SCHIP1: variants seen among roughly 807,000 people sequenced by gnomAD.
SCHIP1 encodes the protein schwannomin interacting protein 1.
SCHIP1 carries 8 observed loss-of-function variants against 29.7 expected under a neutral mutation model. The observed-to-expected ratio is 0.27, with a 90% CI of 0.16 to 0.49. The LOEUF (loss-of-function observed/expected upper bound fraction) is 0.49. SCHIP1 is among the 20% of genes least tolerant of loss of function. The pLI, the probability that SCHIP1 is intolerant of heterozygous loss-of-function variation, is 0.99. For synonymous variants in SCHIP1, 76 were observed against 94.9 expected (o/e 0.80, Z 1.16); for missense variants, 193 against 294.6 (o/e 0.66, Z 2.52).
the SCHIP1 span, among the ~76,000 whole-genome samples, chr3:159,526,721 A>T: frequency 2.0e-5 from 3 of 152,142 alleles, no homozygotes; most frequent in Non-Finnish European, 4.4e-5. Flanking sequence ...TATTCAACTG[A>T]TGCTGGACCA....
chr3:159,696,093 T>C, the SCHIP1 span, among the ~76,000 whole-genome samples: 1 of 152,228 alleles, frequency 6.6e-6, no homozygotes, highest in African/African-American at 2.4e-5. Flanking sequence ...ATCACATTTT[T>C]TTCCAAAGCA....
At chr3:159,345,239 A>AG in the SCHIP1 span, among the ~76,000 whole-genome samples, 1 of 151,896 alleles carries the variant, frequency 6.6e-6, no homozygotes, top group Non-Finnish European at 1.5e-5. Context: ...AAAAAAAAAA[A>AG]AAAGAAAAAT....
the SCHIP1 span, among the ~76,000 whole-genome samples, chr3:159,492,965 G>A: frequency 6.6e-6 from 1 of 152,222 alleles, no homozygotes; most frequent in African/African-American, 2.4e-5. Flanking sequence ...TTAAAGAAAA[G>A]AAGTTTCAAC....
the SCHIP1 span, among the ~76,000 whole-genome samples, chr3:159,520,113 A>C: frequency 8.6e-5 from 13 of 151,562 alleles, 1 homozygote; most frequent in African/African-American, 2.9e-4. Flanking sequence ...AAAAAAAAAA[A>C]AACTCCCAGC....
chr3:159,431,173 C>T, the SCHIP1 span, among the ~76,000 whole-genome samples: 1 of 151,748 alleles, frequency 6.6e-6, no homozygotes, highest in East Asian at 1.9e-4. Context: ...GGTGGAACCA[C>T]AAAGGAGCTA....
the SCHIP1 span, among the ~76,000 whole-genome samples, chr3:159,450,548 G>A: frequency 2.0e-5 from 3 of 152,232 alleles, no homozygotes; most frequent in African/African-American, 7.2e-5. Flanking sequence ...AAGCATAAAC[G>A]TTGAATTTAT....
At chr3:159,465,206 A>T in the SCHIP1 span, among the ~76,000 whole-genome samples, 34,810 of 151,892 alleles carry the variant, frequency 0.23, 4,713 homozygotes, top group African/African-American at 0.37. Context: ...TTTTTTGGCC[A>T]GGTATCAAAC....
At chr3:159,773,849 A>G in the SCHIP1 span, among the ~76,000 whole-genome samples, 1 of 152,234 alleles carries the variant, frequency 6.6e-6, no homozygotes, top group African/African-American at 2.4e-5. Flanking sequence ...ATTTTGTTCT[A>G]TCTAAAGAGT....
the SCHIP1 span, among the ~76,000 whole-genome samples, chr3:159,784,739 T>C: frequency 1.3e-5 from 2 of 152,316 alleles, no homozygotes; most frequent in Admixed American, 1.3e-4. Context: ...CTGCAACCTC[T>C]GCCTCCCAGG....
chr3:159,497,648 A>G, the SCHIP1 span, among the ~76,000 whole-genome samples: 79,183 of 151,148 alleles, frequency 0.52, 21,014 homozygotes, highest in East Asian at 0.68. Flanking sequence ...GCAGAAGCAG[A>G]AAGAAGGCAG....
chr3:159,841,200 A>G (rs1744186422), intron 1 of SCHIP1, among the ~76,000 whole-genome samples: 1 of 152,244 alleles, frequency 6.6e-6, no homozygotes, highest in African/African-American at 2.4e-5. Flanking sequence ...TGTGCAGGCA[A>G]AATAGTACAT....
the SCHIP1 span, among the ~76,000 whole-genome samples, chr3:159,310,909 A>G: frequency 6.6e-6 from 1 of 152,164 alleles, no homozygotes; most frequent in African/African-American, 2.4e-5. Context: ...CGGAATTGAA[A>G]TAGAGATATG....
the SCHIP1 span, among the ~76,000 whole-genome samples, chr3:159,572,215 G>T: frequency 6.6e-6 from 1 of 151,962 alleles, no homozygotes. Context: ...GTGATGTTAT[G>T]GTGTCAATTT....
chr3:159,632,173 G>GTGTC, the SCHIP1 span, among the ~76,000 whole-genome samples: 4 of 152,166 alleles, frequency 2.6e-5, no homozygotes, highest in Admixed American at 2.6e-4. Context: ...ATGTGGCTAT[G>GTGTC]TGTCGTCTTG....
chr3:159,708,038 C>T, the SCHIP1 span, among the ~76,000 whole-genome samples: 5 of 152,258 alleles, frequency 3.3e-5, no homozygotes, highest in East Asian at 7.7e-4. Flanking sequence ...CTGTCTCTCC[C>T]TATATTCCAG....
the SCHIP1 span, among the ~76,000 whole-genome samples, chr3:159,637,956 C>G: frequency 3.9e-5 from 6 of 152,168 alleles, no homozygotes; most frequent in Admixed American, 2.0e-4. Context: ...TACATGTAGT[C>G]CATCTATGTA....
the SCHIP1 span, among the ~76,000 whole-genome samples, chr3:159,566,792 G>A: frequency 6.6e-6 from 1 of 152,180 alleles, no homozygotes; most frequent in Admixed American, 6.5e-5. Flanking sequence ...ACCAGGAGCA[G>A]ACCAGAGAGT....
the SCHIP1 span, among the ~76,000 whole-genome samples, chr3:159,413,786 G>A: frequency 6.6e-6 from 1 of 152,156 alleles, no homozygotes; most frequent in Non-Finnish European, 1.5e-5. Context: ...AGGTTGGTGT[G>A]AAGGACAATG....
the SCHIP1 span, among the ~76,000 whole-genome samples, chr3:159,744,667 C>T: frequency 1.3e-5 from 2 of 152,198 alleles, no homozygotes; most frequent in African/African-American, 4.8e-5. Flanking sequence ...TGGACAGAAG[C>T]CTGTTGAACA....
Sources: allele counts gnomAD v4.1 joint callset (sites outside exome capture counted in the v4.1 genomes callset), GRCh38; gene constraint gnomAD v4.1.1; transcripts MANE v1.5; gene names NCBI Gene and HGNC (gene_info 2026-07-23, HGNC 2026-07-21).